The following SYCP2L variants were observed in gnomAD, a reference collection of about 807,000 sequenced individuals.
SYCP2L encodes synaptonemal complex protein 2 like.
A neutral mutation model predicts 125.8 loss-of-function variants in SYCP2L; 98 were observed. The observed-to-expected ratio is 0.78, with a 90% confidence interval of 0.66 to 0.92. The LOEUF (loss-of-function observed/expected upper bound fraction) is 0.92, where lower values mean the gene tolerates loss of function less well. Ranked by LOEUF, SYCP2L falls within the 40% of genes least tolerant of loss-of-function variation. The pLI is 0.00. For synonymous variants in SYCP2L, 317 were observed against 325.4 expected (o/e 0.97, Z 0.28); for missense variants, 842 against 936.4 (o/e 0.90, Z 1.32).
intron 26 of SYCP2L, among the ~76,000 whole-genome samples, chr6:10,959,311 G>GTTATATGAC (rs1424354794): frequency 2.0e-5 from 3 of 152,180 alleles, no homozygotes; most frequent in Non-Finnish European, 2.9e-5. Flanking sequence ...AGGGACAAAT[G>GTTATATGAC]TTATATGACT....
At chr6:10,953,534 G>C (rs925610369) in intron 23 of SYCP2L, among the ~76,000 whole-genome samples, 1 of 152,158 alleles carries the variant, frequency 6.6e-6, no homozygotes, top group Non-Finnish European at 1.5e-5. Flanking sequence ...ATTAGAATAA[G>C]AGAACTGAAA....
At chr6:10,923,717 T>C (rs1780845588) in intron 14 of SYCP2L, among the ~76,000 whole-genome samples, 1 of 130,856 alleles carries the variant, frequency 7.6e-6, no homozygotes, top group African/African-American at 2.9e-5. Context: ...GGAGTCTAGC[T>C]CTCTCCTCCA....
chr6:10,899,829 C>G (rs1173294465), intron 6 of SYCP2L, among the ~76,000 whole-genome samples: 1 of 152,096 alleles, frequency 6.6e-6, no homozygotes. Flanking sequence ...GTCAGTGGTT[C>G]CAAACATTTT....
In SYCP2L at chr6:10,912,234, G is replaced by T. The variant is rs562114230; in HGVS notation, c.919-439G>T. Among the ~76,000 whole-genome samples the T allele has an allele frequency of 5.9e-5, 9 of 152,230 alleles. No homozygotes were observed. In the South Asian group the frequency reaches 1.9e-3, roughly 32 times the overall value. On this transcript the variant is annotated intron_variant, in intron 12 of 29. Coordinates refer to ENST00000283141, the MANE Select transcript of SYCP2L (RefSeq NM_001040274.3). This position sits in a 1 kb window ranked among gnomAD's most constrained non-coding sequence, Gnocchi z 4.1. ...AGAATAATTAAAATGAAGGAAATTT[G>T]AAGTCTTCAAGTCTTAGCTGTACTC...
chr6:10,971,348 C>G (rs1050733063), intron 29 of SYCP2L, among the ~76,000 whole-genome samples: 1 of 150,852 alleles, frequency 6.6e-6, no homozygotes. Context: ...GTCCAAGCTA[C>G]TTGGGAAGCT....
chr6:10,929,989 C>T (rs1286671678), intron 18 of SYCP2L: 1 of 154,944 alleles, frequency 6.5e-6, no homozygotes, highest in African/African-American at 2.4e-5. Flanking sequence ...GGTTTTGGTT[C>T]TTCTAAAATG....
At chr6:10,946,059 T>G (rs1177690057) in intron 23 of SYCP2L, among the ~76,000 whole-genome samples, 2 of 152,226 alleles carry the variant, frequency 1.3e-5, no homozygotes, top group Non-Finnish European at 2.9e-5. Flanking sequence ...TTTCATAGTA[T>G]GTCTTTTAAC....
intron 21 of SYCP2L, among the ~76,000 whole-genome samples, chr6:10,939,839 CT>C (rs1781180768): frequency 6.6e-6 from 1 of 152,182 alleles, no homozygotes; most frequent in African/African-American, 2.4e-5. Flanking sequence ...GCACAATAAA[CT>C]TTTGGGACTA....
chr6:10,902,821 A>C (rs1780402572), intron 7 of SYCP2L, 54 bp from the exon 8 acceptor site: 13 of 1,610,148 alleles, frequency 8.1e-6, no homozygotes, highest in African/African-American at 1.3e-5. Flanking sequence ...AGAAGATCGT[A>C]CATAGGTCTC....
chr6:10,970,775 T>G (rs953084686), intron 29 of SYCP2L, among the ~76,000 whole-genome samples: 3 of 152,180 alleles, frequency 2.0e-5, no homozygotes, highest in Non-Finnish European at 4.4e-5. Flanking sequence ...TATCTGAGAC[T>G]GAAGCTCATG....
chr6:10,919,402 C>T (rs1179005021), intron 14 of SYCP2L, among the ~76,000 whole-genome samples: 1 of 152,170 alleles, frequency 6.6e-6, no homozygotes, highest in Non-Finnish European at 1.5e-5. Flanking sequence ...TGGGGGTTGT[C>T]TGTACAGAGT....
intron 4 of SYCP2L, among the ~76,000 whole-genome samples, chr6:10,894,618 T>A (rs577374424): frequency 1.2e-4 from 19 of 152,372 alleles, no homozygotes; most frequent in African/African-American, 4.6e-4. Context: ...TTATCCATTT[T>A]CTAAACCTTG....
At chr6:10,914,238 T>C (rs941480303) in intron 14 of SYCP2L, among the ~76,000 whole-genome samples, 4 of 152,258 alleles carry the variant, frequency 2.6e-5, no homozygotes, top group Non-Finnish European at 4.4e-5. Flanking sequence ...TTCTCCTACA[T>C]GTGGCTTGCT....
chr6:10,945,463 C>CT (rs905028982), intron 23 of SYCP2L, among the ~76,000 whole-genome samples: 2 of 151,928 alleles, frequency 1.3e-5, no homozygotes, highest in Non-Finnish European at 2.9e-5. Context: ...CCCTATAAAT[C>CT]TTTTTTCTAA....
chr6:10,957,206 A>C (rs1028291647), intron 25 of SYCP2L, among the ~76,000 whole-genome samples: 1 of 152,228 alleles, frequency 6.6e-6, no homozygotes, highest in Non-Finnish European at 1.5e-5. Flanking sequence ...TATGAATTTA[A>C]AGTAACAAGT....
At position 10,912,853 on chromosome 6, in the gene SYCP2L, T is replaced by C. The variant is rs1780634087; in HGVS notation, c.1012-14T>C. The C allele has an allele frequency of 1.2e-6, 2 of 1,613,616 alleles. No individual in the cohort carries two copies. Among genetic ancestry groups the C allele is most frequent in the Non-Finnish European group, 8.5e-7 (1 of 1,179,738 alleles). On this transcript the variant is annotated splice_polypyrimidine_tract_variant and intron_variant, in intron 13 of 29. Coordinates refer to ENST00000283141, the MANE Select transcript of SYCP2L (RefSeq NM_001040274.3). The surrounding 1 kb of genome is among the most constrained non-coding windows in gnomAD (Gnocchi z 4.1). ...GTTTTGCACTCATGAATTTCACTTATTTATTTTCCCAAGAATACTCTATGG... is the reference window on the plus strand; with the variant it reads ...GTTTTGCACTCATGAATTTCACTTACTTATTTTCCCAAGAATACTCTATGG...
intron 9 of SYCP2L, 92 bp downstream of exon 9, chr6:10,906,146 G>C: frequency 1.4e-6 from 1 of 709,070 alleles, no homozygotes; most frequent in East Asian, 2.6e-5. Flanking sequence ...AATAAATTAT[G>C]GTTAAATTGA....
At position 10,930,389 on chromosome 6, in the gene SYCP2L, A is replaced by C. The variant is rs576163717; in HGVS notation, c.1508A>C (p.His503Pro). 2 of 1,612,852 alleles carry C rather than the reference A, an allele frequency of 1.2e-6. No individual in the cohort carries two copies. Among genetic ancestry groups the C allele is most frequent in the Non-Finnish European group, 1.7e-6 (2 of 1,179,604 alleles). Reference sequence around the variant, plus strand: ...TTGTAGAAGTCTCATTACAGAAAACATCTCTTCTCTGAGAGTAATCAAGAT... The same window carrying C: ...TTGTAGAAGTCTCATTACAGAAAACCTCTCTTCTCTGAGAGTAATCAAGAT... ...PQQPKSHYRK[H>P]LFSESNQDSS... is the part of the protein sequence containing the mutation. Residue 503 changes from histidine to proline, a missense_variant, in exon 19 of 30, where the codon CAT (histidine) becomes CCT (proline). Coordinates refer to ENST00000283141, the MANE Select transcript of SYCP2L (RefSeq NM_001040274.3).
At chr6:10,940,042 G>C (rs1269357056) in intron 21 of SYCP2L, among the ~76,000 whole-genome samples, 1 of 152,014 alleles carries the variant, frequency 6.6e-6, no homozygotes, top group Non-Finnish European at 1.5e-5. Flanking sequence ...AAGCTGAATA[G>C]ACATTTTTCC....
Sources: allele counts gnomAD v4.1 joint callset (sites outside exome capture counted in the v4.1 genomes callset), GRCh38; gene constraint gnomAD v4.1.1; non-coding constraint Gnocchi (gnomAD v3.1); transcripts MANE v1.5; gene names NCBI Gene and HGNC (gene_info 2026-07-23, HGNC 2026-07-21).